SORBS3: variants seen among roughly 807,000 people sequenced by gnomAD.
The protein encoded by SORBS3 is vinexin.
Under a neutral mutation model 98.0 loss-of-function variants are expected in SORBS3, and 69 were observed. The observed-to-expected ratio is 0.70, with a 90% CI of 0.58 to 0.86. The LOEUF (loss-of-function observed/expected upper bound fraction) is 0.86. Among genes scored for constraint, SORBS3 ranks in the 40% least tolerant of loss-of-function variants. The pLI is 0.00. For missense variants in SORBS3, 954 were observed against 908.5 expected (o/e 1.05, Z -0.64); for synonymous variants, 394 against 355.4 (o/e 1.11, Z -1.22).
intron 10 of SORBS3, chr8:22,564,959 G>A: frequency 7.6e-7 from 1 of 1,321,718 alleles, no homozygotes. Flanking sequence ...AGATGGGAGA[G>A]GAAATGGGGA....
At chr8:22,545,405 C>A (rs1840006172) in intron 1 of SORBS3, 2 of 152,444 alleles carry the variant, frequency 1.3e-5, no homozygotes, top group Admixed American at 6.5e-5. Context: ...GCCTATATTA[C>A]ATTGGGGTTT....
chr8:22,547,705 A>C (rs183806499), upstream of SORBS3, among the ~76,000 whole-genome samples: 4 of 152,200 alleles, frequency 2.6e-5, no homozygotes, highest in East Asian at 7.7e-4. Context: ...TATAAAATCT[A>C]CTTTCTAGAG....
Position 22,566,542 on chromosome 8 carries a change from G to A in SORBS3, c.1090+58G>A, listed in dbSNP as rs1375997104. The A allele has an allele frequency of 3.1e-6, 5 of 1,596,390 alleles. No individual in the cohort carries two copies. In the South Asian group the frequency reaches 4.5e-5, roughly 14 times the overall value. On this transcript the variant is annotated intron_variant, in intron 13 of 20. Coordinates refer to ENST00000240123, the MANE Select transcript of SORBS3 (RefSeq NM_005775.5). ...AGATGCCCACCCACCAGGCATGTTGGTGCCCCAGGGGTGGCAGGTCACAGA... is the reference window on the plus strand; with the variant it reads ...AGATGCCCACCCACCAGGCATGTTGATGCCCCAGGGGTGGCAGGTCACAGA...
intron 9 of SORBS3, 42 bp downstream of exon 9, chr8:22,564,411 C>T: frequency 1.2e-6 from 2 of 1,613,198 alleles, no homozygotes; most frequent in South Asian, 2.2e-5. Context: ...GCACCCTCAG[C>T]TGATACATTT....
intron 16 of SORBS3, among the ~76,000 whole-genome samples, chr8:22,567,492 A>G (rs1840456922): frequency 6.6e-6 from 1 of 152,264 alleles, no homozygotes; most frequent in Non-Finnish European, 1.5e-5. Flanking sequence ...GCAACTAGCA[A>G]GAGTGGGAAG....
In SORBS3 at chr8:22,571,642, G is replaced by A. The variant is rs568116342; in HGVS notation, c.1744-76G>A. On this transcript the variant is annotated intron_variant, in intron 18 of 20. Coordinates refer to ENST00000240123, the MANE Select transcript of SORBS3 (RefSeq NM_005775.5). ...CAGGTGGACTGGGAACGCCCATTTT[G>A]GGCCTCCTCCCTCAGGCTTACATGT... 9.1e-5 allele frequency: 102 copies of A among 1,119,002 alleles called. No homozygotes were observed. In the African/African-American group the frequency reaches 1.3e-3, roughly 15 times the overall value. 69.3% of individuals were successfully genotyped at this position (1,119,002 alleles called of 1,614,324 possible). A position where few individuals can be genotyped will look rare whatever the true frequency, so the allele number is the denominator to read the frequency against.
Position 22,571,240 on chromosome 8 carries a change from AC to A in SORBS3, c.1743+21del. ...GACCCAGGTGAGGTAGCCTGCCTCC[AC>A]CAGAGAGTCGACCTCCTCCTCACCC... On this transcript the variant is annotated intron_variant, in intron 18 of 20. Transcript: ENST00000240123. 1 of 1,489,042 alleles carries A rather than the reference AC, an allele frequency of 6.7e-7. No individual in the cohort carries two copies. The highest frequency in any genetic ancestry group is 9.0e-7 in the Non-Finnish European group (1 of 1,112,232). The allele number at this position is 1,489,042 out of a possible 1,614,324, so 92.2% of individuals were successfully genotyped here.
In SORBS3 at chr8:22,566,363, C is replaced by G; in HGVS notation, c.969C>G (p.Ser323Arg). Residue 323 changes from serine to arginine, a missense_variant, in exon 13 of 21, where the codon AGC (serine) becomes AGG (arginine). Physicochemically the swap from Ser to Arg is moderately radical, Grantham distance 110. Transcript: ENST00000240123. ...CGTGCAGCCCGGCCTCAGCCTGGAG[C>G]TCCAGCTACCCACATGCACCTTACC... is the stretch of plus-strand genomic sequence containing the variant. Reference protein sequence around the residue: ...RPPAGPASAWSSSYPHAPYLG... With the variant: ...RPPAGPASAWRSSYPHAPYLG... 2.5e-6 allele frequency: 4 copies of G among 1,613,726 alleles called. No homozygotes were observed. Among genetic ancestry groups the G allele is most frequent in the Non-Finnish European group, 3.4e-6 (4 of 1,179,884 alleles).
intron 5 of SORBS3, among the ~76,000 whole-genome samples, chr8:22,558,560 C>A (rs112977975): frequency 0.031 from 4,252 of 135,706 alleles, 191 homozygotes; most frequent in African/African-American, 0.098. Flanking sequence ...TGCAGCCAAC[C>A]CTGGGGGTGC....
chr8:22,553,809 G>A (rs778968815), intron 1 of SORBS3, among the ~76,000 whole-genome samples: 6 of 152,176 alleles, frequency 3.9e-5, no homozygotes, highest in African/African-American at 1.2e-4. Flanking sequence ...CCACCCACCC[G>A]GAGCCCTCTG....
At chr8:22,552,992 G>C (rs927174221) in intron 1 of SORBS3, among the ~76,000 whole-genome samples, 6 of 152,106 alleles carry the variant, frequency 3.9e-5, no homozygotes, top group Admixed American at 3.3e-4. Context: ...CAAATGTCAG[G>C]AGTCCCCACA....
chr8:22,553,214 G>A (rs933936684), intron 1 of SORBS3, among the ~76,000 whole-genome samples: 1 of 152,080 alleles, frequency 6.6e-6, no homozygotes, highest in South Asian at 2.1e-4. Context: ...CAGCTCATGT[G>A]GTCCCTCCGG....
At chr8:22,564,979 G>A in intron 10 of SORBS3, 1 of 1,359,728 alleles carries the variant, frequency 7.4e-7, no homozygotes, top group Non-Finnish European at 9.5e-7. Flanking sequence ...AACCCCATTG[G>A]TGCTGTAACA....
At position 22,570,896 on chromosome 8, in the gene SORBS3, T is replaced by G. The variant is rs370569980; in HGVS notation, c.1432-14T>G. ...CCAGGAAGGCCCCACAGACACTGAC[T>G]TTTCCCCCCTCAGGGAGAGCACATC... On this transcript the variant is annotated splice_polypyrimidine_tract_variant and intron_variant, in intron 17 of 20. Transcript: ENST00000240123. 6 of 1,574,612 alleles carry G rather than the reference T, an allele frequency of 3.8e-6. No individual in the cohort carries two copies. Among genetic ancestry groups the G allele is most frequent in the East Asian group, 2.3e-5 (1 of 44,370 alleles).
At chr8:22,561,986 C>A in intron 7 of SORBS3, 55 bp downstream of exon 7, 1 of 1,549,260 alleles carries the variant, frequency 6.5e-7, no homozygotes, top group Non-Finnish European at 8.9e-7. Flanking sequence ...CCGCGAGACA[C>A]CATGGGACGG....
At position 22,574,881 on chromosome 8, in the gene SORBS3, C is replaced by G; in HGVS notation, c.*153C>G. On this transcript the variant is annotated 3_prime_UTR_variant, in exon 21 of 21. Transcript: ENST00000240123. Reference sequence around the variant, plus strand: ...CCCGCAGCCTTTCCCTCGGACCCCCCTCGAAGCCCCCTGGACTGATTCCCA... The same window carrying G: ...CCCGCAGCCTTTCCCTCGGACCCCCGTCGAAGCCCCCTGGACTGATTCCCA... The G allele has an allele frequency of 1.4e-6, 1 of 739,768 alleles. No homozygotes were observed. Among genetic ancestry groups the G allele is most frequent in the Non-Finnish European group, 2.4e-6 (1 of 415,110 alleles). The allele number at this position is 739,768 out of a possible 1,614,324, so 45.8% of individuals were successfully genotyped here.
At chr8:22,568,116 T>A (rs1050164245) in intron 16 of SORBS3, among the ~76,000 whole-genome samples, 2 of 152,218 alleles carry the variant, frequency 1.3e-5, no homozygotes, top group Admixed American at 1.3e-4. Context: ...CCTCCCAAAG[T>A]GCTTGGGTTA....
upstream of SORBS3, chr8:22,551,676 A>G (rs910307137): frequency 3.2e-5 from 30 of 946,194 alleles, no homozygotes; most frequent in African/African-American, 5.0e-4. This position sits in a 1 kb window ranked among gnomAD's most constrained non-coding sequence, Gnocchi z 5.8. Context: ...CCTCCTCGGC[A>G]GGGGGCCACC....
chr8:22,564,151 C>G, intron 8 of SORBS3, 74 bp downstream of exon 8: 1 of 1,531,388 alleles, frequency 6.5e-7, no homozygotes, highest in Non-Finnish European at 9.0e-7. Context: ...CCACGATGTC[C>G]TTTCAGCTTG....
Sources: allele counts gnomAD v4.1 joint callset (sites outside exome capture counted in the v4.1 genomes callset), GRCh38; gene constraint gnomAD v4.1.1; non-coding constraint Gnocchi (gnomAD v3.1); transcripts MANE v1.5; gene names NCBI Gene and HGNC (gene_info 2026-07-23, HGNC 2026-07-21).